Variants in YJU2B observed in about 807,000 individuals in gnomAD.
YJU2B encodes the protein YJU2 splicing factor homolog B.
YJU2B carries 18 observed loss-of-function variants against 38.0 expected under a neutral mutation model. That is an observed-to-expected ratio of 0.47 (90% confidence interval 0.33 to 0.70). The LOEUF is 0.70. YJU2B is among the 30% of genes least tolerant of loss of function. The pLI, the probability that YJU2B is intolerant of heterozygous loss-of-function variation, is 0.02. For synonymous variants in YJU2B, 246 were observed against 225.4 expected, an observed-to-expected ratio of 1.09 and a Z score of -0.82; for missense variants, 538 against 556.3, an observed-to-expected ratio of 0.97 and a Z score of 0.33.
chr19:13,756,181 C>T lies in YJU2B; in HGVS notation c.58-16C>T. 1 of 1,610,782 alleles carries T rather than the reference C, an allele frequency of 6.2e-7. No individual in the cohort carries two copies. The highest frequency in any genetic ancestry group is 8.5e-7 in the Non-Finnish European group (1 of 1,177,056). On this transcript the variant is annotated splice_polypyrimidine_tract_variant and intron_variant, in intron 3 of 9. Transcript: ENST00000221554. ...AGCTCAGCAGCACTAATCCGCTCCTCATCCTCTCCACACAGCATGGCTCTC... is the reference window on the plus strand; with the variant it reads ...AGCTCAGCAGCACTAATCCGCTCCTTATCCTCTCCACACAGCATGGCTCTC...
intron 5 of YJU2B, 121 bp from the exon 6 acceptor site, chr19:13,757,665 C>CT (rs1373604902): frequency 1.7e-6 from 2 of 1,169,012 alleles, no homozygotes; most frequent in African/African-American, 1.5e-5. Context: ...AATCCCGTCT[C>CT]TAACTCCTCC....
chr19:13,751,476 G>A, intron 1 of YJU2B, 132 bp from the exon 2 acceptor site: 1 of 322,474 alleles, frequency 3.1e-6, no homozygotes, highest in Non-Finnish European at 5.7e-6. Context: ...AGAGTCGGGA[G>A]AGAGAAGACC....
At chr19:13,737,961 A>G (rs1320221301) in intron 2 of YJU2B, among the ~76,000 whole-genome samples, 2 of 152,140 alleles carry the variant, frequency 1.3e-5, no homozygotes, top group South Asian at 2.1e-4. Flanking sequence ...GGATGAATCT[A>G]TCAGAATGAT....
In YJU2B at chr19:13,763,042, G is replaced by C. The variant is rs757080143; in HGVS notation, c.1165G>C (p.Asp389His). Residue 389 changes from aspartate to histidine, a missense_variant, in exon 10 of 10, where the codon GAC (aspartate) becomes CAC (histidine). By Grantham distance (81) the Asp-to-His change is moderately conservative. Coordinates refer to ENST00000221554, the MANE Select transcript of YJU2B (RefSeq NM_030818.4). ...PCSLGSSLVA[D>H]YSDSESE ...CAGTCTCGGCTCCTCCCTCGTGGCG[G>C]ACTACTCCGACTCGGAGAGTGAGTG... is the stretch of plus-strand genomic sequence containing the variant. 2.6e-6 allele frequency: 4 copies of C among 1,566,162 alleles called. No individual in the cohort carries two copies. The African/African-American group carries it at 5.4e-5, about 21-fold the overall frequency.
Position 13,732,943 on chromosome 19 carries a change from T to C in YJU2B, c.-202+658T>C, listed in dbSNP as rs569888549. ...CATACCTTTTGAAATTTTTTTTTTT[T>C]TTTTGAGACGGGGTCTTGCTCTGTC... On this transcript the variant is annotated intron_variant, in intron 2 of 10. Transcript: ENST00000586600. Among the ~76,000 whole-genome samples, 37 of 149,380 alleles carry C rather than the reference T, an allele frequency of 2.5e-4. 1 individual carries two copies. Among genetic ancestry groups the C allele is most frequent in the South Asian group, 1.5e-3 (7 of 4,686 alleles).
In YJU2B at chr19:13,762,622, G is replaced by A. The variant is rs1182772692; in HGVS notation, c.745G>A (p.Glu249Lys). Residue 249 changes from glutamate to lysine, a missense_variant, in exon 10 of 10, where the codon GAG becomes AAG. Glu to Lys is a moderately conservative substitution (Grantham distance 56). Coordinates refer to ENST00000221554, the MANE Select transcript of YJU2B (RefSeq NM_030818.4). The part of the protein sequence containing the change: ...YEDKQKLKRT[E>K]IISRSWFPSA... Reference sequence around the variant, plus strand: ...GGACAAGCAGAAACTCAAGCGGACCGAGATCATCAGCCGCTCCTGGTTCCC... The same window carrying A: ...GGACAAGCAGAAACTCAAGCGGACCAAGATCATCAGCCGCTCCTGGTTCCC... 3.3e-6 allele frequency: 5 copies of A among 1,533,228 alleles called. No homozygotes were observed. Among genetic ancestry groups the A allele is most frequent in the East Asian group, 2.3e-5 (1 of 44,334 alleles). 95.0% of individuals were successfully genotyped at this position (1,533,228 alleles called of 1,614,324 possible). A position where few individuals can be genotyped will look rare whatever the true frequency, so the allele number is the denominator to read the frequency against.
chr19:13,754,747 G>A (rs981804909), intron 3 of YJU2B, among the ~76,000 whole-genome samples: 8 of 152,016 alleles, frequency 5.3e-5, no homozygotes, highest in Non-Finnish European at 7.4e-5. Flanking sequence ...CCACTGTCTC[G>A]TTCTCTGTTG....
Position 13,759,107 on chromosome 19 carries a change from G to A in YJU2B, c.408G>A (p.Glu136=). ...DNEQVLTTEH[E]KKQKLETDAM... ...GAGCTCTGATCGTTGCAGAGCATGA[G>A]AAGAAGCAGAAGCTGGAGACGGACG... Residue 136 remains glutamate (E), a synonymous_variant, in exon 8 of 10, where the codon GAG becomes GAA. Transcript: ENST00000221554. 6.2e-7 allele frequency: 1 copy of A among 1,613,744 alleles called. No individual in the cohort carries two copies.
Position 13,756,194 on chromosome 19 carries a change from C to T in YJU2B, c.58-3C>T. On this transcript the variant is annotated splice_polypyrimidine_tract_variant and splice_region_variant and intron_variant, in intron 3 of 9. Transcript: ENST00000221554. Reference sequence around the variant, plus strand: ...TAATCCGCTCCTCATCCTCTCCACACAGCATGGCTCTCTCAACCGATACCA... The same window carrying T: ...TAATCCGCTCCTCATCCTCTCCACATAGCATGGCTCTCTCAACCGATACCA... 1 of 1,613,708 alleles carries T rather than the reference C, an allele frequency of 6.2e-7. No homozygotes were observed. The highest frequency in any genetic ancestry group is 8.5e-7 in the Non-Finnish European group (1 of 1,179,704).
chr19:13,751,879 T>A, intron 2 of YJU2B, 68 bp downstream of exon 2: 1 of 1,449,902 alleles, frequency 6.9e-7, no homozygotes, highest in Non-Finnish European at 9.7e-7. Flanking sequence ...AAGCAGCCCC[T>A]CCTCCCCTCC....
At chr19:13,743,318 G>A (rs187503129), upstream of YJU2B, among the ~76,000 whole-genome samples, 3 of 152,342 alleles carry the variant, frequency 2.0e-5, no homozygotes, top group East Asian at 1.9e-4. Context: ...GGTGGCTCAC[G>A]CCTGTAATCC....
intron 2 of YJU2B, among the ~76,000 whole-genome samples, chr19:13,739,868 C>T (rs897101228): frequency 7.2e-5 from 11 of 152,096 alleles, no homozygotes; most frequent in Admixed American, 6.6e-4. Context: ...ACATGCATTA[C>T]GTATTTGTCC....
At chr19:13,734,598 GTTTGT>G (rs1467315953) in intron 2 of YJU2B, among the ~76,000 whole-genome samples, 4 of 150,818 alleles carry the variant, frequency 2.7e-5, no homozygotes, top group Non-Finnish European at 5.9e-5. Context: ...CCCTTTTTTT[GTTTGT>G]TTTAAGACAG....
At chr19:13,741,979 A>G (rs1234032199) in intron 2 of YJU2B, among the ~76,000 whole-genome samples, 2 of 152,212 alleles carry the variant, frequency 1.3e-5, no homozygotes, top group African/African-American at 4.8e-5. Context: ...TGGCAAAGAG[A>G]AAAGACTAAA....
At chr19:13,757,652 T>G in intron 5 of YJU2B, 134 bp from the exon 6 acceptor site, 1 of 1,115,772 alleles carries the variant, frequency 9.0e-7, no homozygotes, top group South Asian at 1.3e-5. Flanking sequence ...GGCTCTGGCT[T>G]CCAATCCCGT....
Position 13,763,105 on chromosome 19 carries a change from G to T in YJU2B, c.*37G>T. 6.7e-7 allele frequency: 1 copy of T among 1,493,470 alleles called. No individual in the cohort carries two copies. 92.5% of individuals were successfully genotyped at this position (1,493,470 alleles called of 1,614,324 possible). A position where few individuals can be genotyped will look rare whatever the true frequency, so the allele number is the denominator to read the frequency against. ...CCTGGAGACTGGACCCGCTCTAGAG[G>T]CCCGGACACACCCAGGAGGCCCCTC... is the stretch of plus-strand genomic sequence containing the variant. On this transcript the variant is annotated 3_prime_UTR_variant, in exon 10 of 10. Transcript: ENST00000221554.
At chr19:13,742,223 A>G (rs547020906) in intron 2 of YJU2B, among the ~76,000 whole-genome samples, 22 of 149,000 alleles carry the variant, frequency 1.5e-4, no homozygotes, top group Admixed American at 1.4e-3. Flanking sequence ...AACTGCCTAC[A>G]TTCCCCATTT....
upstream of YJU2B, among the ~76,000 whole-genome samples, chr19:13,746,640 C>T (rs1973257815): frequency 6.6e-6 from 1 of 152,230 alleles, no homozygotes; most frequent in South Asian, 2.1e-4. Context: ...GGCCCAGTGG[C>T]TCATGCCTGT....
chr19:13,738,152 A>G (rs1400475174), intron 2 of YJU2B, among the ~76,000 whole-genome samples: 1 of 152,162 alleles, frequency 6.6e-6, no homozygotes, highest in Non-Finnish European at 1.5e-5. Context: ...GCTTTCCACT[A>G]ATTAGTGAAG....
Sources: gnomAD v4.1 joint callset for allele counts (sites outside exome capture counted in the v4.1 genomes callset) on GRCh38, gnomAD v4.1.1 for gene constraint, MANE v1.5 for transcripts, NCBI Gene and HGNC (gene_info 2026-07-23, HGNC 2026-07-21) for gene names.